PRELID1: variants seen among roughly 807,000 people sequenced by gnomAD.
The protein encoded by PRELID1 is PRELI domain containing 1.
PRELID1 carries 15 observed loss-of-function variants against 29.0 expected under a neutral mutation model. The ratio of observed to expected loss-of-function variants is 0.52; its 90% CI spans 0.35 to 0.80. The LOEUF (loss-of-function observed/expected upper bound fraction) is 0.80. PRELID1 is among the 30% of genes least tolerant of loss of function. The pLI is 0.01. For missense variants in PRELID1, 187 were observed against 275.9 expected (o/e 0.68, Z 2.28); for synonymous variants, 79 against 106.5 (o/e 0.74, Z 1.59).
At chr5:177,305,638 C>A in intron 2 of PRELID1, 1 of 545,002 alleles carries the variant, frequency 1.8e-6, no homozygotes, top group Non-Finnish European at 3.3e-6. Context: ...TTGTTGATCT[C>A]AAGAGAGAGA....
In PRELID1 at chr5:177,305,865, G is replaced by A. The variant is rs1374778275; in HGVS notation, c.319-6G>A. 1.2e-6 allele frequency: 2 copies of A among 1,612,668 alleles called. No homozygotes were observed. Among genetic ancestry groups the A allele is most frequent in the Non-Finnish European group, 1.7e-6 (2 of 1,179,280 alleles). On this transcript the variant is annotated splice_region_variant and splice_polypyrimidine_tract_variant and intron_variant, in intron 2 of 4. Transcript: ENST00000303204. The stretch of plus-strand genomic sequence containing the variant: ...TGTTCCACGATTGTGGTTGGCCTCT[G>A]CATAGGTGGTGGAGGAACGATGTGT...
chr5:177,306,302 GA>G, intron 4 of PRELID1, 119 bp from the exon 5 acceptor site: 1 of 1,567,838 alleles, frequency 6.4e-7, no homozygotes, highest in Non-Finnish European at 8.8e-7. Flanking sequence ...GGGGTGGGAG[GA>G]GGGTGAATAC....
At chr5:177,305,815 T>C in intron 2 of PRELID1, 56 bp from the exon 3 acceptor site, 2 of 1,448,764 alleles carry the variant, frequency 1.4e-6, no homozygotes, top group Non-Finnish European at 1.9e-6. Flanking sequence ...GTCAGATTTA[T>C]GTGCAAGTTG....
chr5:177,305,819 C>A, intron 2 of PRELID1, 52 bp from the exon 3 acceptor site: 2 of 1,493,948 alleles, frequency 1.3e-6, no homozygotes, highest in Non-Finnish European at 1.9e-6. Context: ...GATTTATGTG[C>A]AAGTTGGCAA....
chr5:177,304,883 C>T (rs773366540), intron 2 of PRELID1, 33 bp downstream of exon 2: 1 of 1,514,472 alleles, frequency 6.6e-7, no homozygotes, highest in Non-Finnish European at 9.0e-7. Flanking sequence ...TCTGCACCTC[C>T]CCCTCTCCCC....
chr5:177,304,866 T>C lies in PRELID1; in HGVS notation c.318+16T>C, dbSNP rs776906443. 3.8e-6 allele frequency: 6 copies of C among 1,584,514 alleles called. No homozygotes were observed. In the South Asian group the frequency reaches 5.6e-5, roughly 15 times the overall value. On this transcript the variant is annotated intron_variant, in intron 2 of 4. Transcript: ENST00000303204. The stretch of plus-strand genomic sequence containing the variant: ...CCGGCTGATGGTGAGACACCTCCTG[T>C]TGTGATTCTGCACCTCCCCCTCTCC...
chr5:177,304,198 G>A, intron 1 of PRELID1, 121 bp downstream of exon 1: 1 of 1,023,850 alleles, frequency 9.8e-7, no homozygotes. Flanking sequence ...AGACCTTATC[G>A]GGGAAGCGGC....
Position 177,306,213 on chromosome 5 carries a change from G to A in PRELID1, c.511+37G>A, listed in dbSNP as rs758591969. The A allele has an allele frequency of 3.1e-6, 5 of 1,596,304 alleles. No individual in the cohort carries two copies. In the African/African-American group the frequency reaches 5.4e-5, roughly 17 times the overall value. On this transcript the variant is annotated intron_variant, in intron 4 of 4. Transcript: ENST00000303204. Reference sequence around the variant, plus strand: ...GGTATGTGGATATTCCTCATAGGGAGAGGCTCATTCAGCCTAGCGGGCGTG... The same window carrying A: ...GGTATGTGGATATTCCTCATAGGGAAAGGCTCATTCAGCCTAGCGGGCGTG...
In PRELID1 at chr5:177,303,928, C is replaced by T. The variant is rs1259464207; in HGVS notation, c.-58C>T. 1 of 1,509,430 alleles carries T rather than the reference C, an allele frequency of 6.6e-7. No individual in the cohort carries two copies. Among genetic ancestry groups the T allele is most frequent in the African/African-American group, 1.4e-5 (1 of 72,538 alleles). The allele number at this position is 1,509,430 out of a possible 1,614,324, so 93.5% of individuals were successfully genotyped here. A position where few individuals can be genotyped will look rare whatever the true frequency, so the allele number is the denominator to read the frequency against. Reference sequence around the variant, plus strand: ...CCGGCCCGGCCCGGCCCTCGCGTGCCTCCCAGGCTCCGCACCCCTGATGCT... The same window carrying T: ...CCGGCCCGGCCCGGCCCTCGCGTGCTTCCCAGGCTCCGCACCCCTGATGCT... On this transcript the variant is annotated 5_prime_UTR_variant, in exon 1 of 5. Transcript: ENST00000303204. This position sits in a 1 kb window ranked among gnomAD's most constrained non-coding sequence, Gnocchi z 6.1.
intron 2 of PRELID1, 148 bp from the exon 3 acceptor site, chr5:177,305,723 C>A (rs1760851672): frequency 3.0e-6 from 2 of 665,732 alleles, no homozygotes; most frequent in Non-Finnish European, 5.2e-6. Context: ...GCTTCTTGTT[C>A]TGTCAGTGCC....
intron 1 of PRELID1, 112 bp downstream of exon 1, chr5:177,304,189 G>A: frequency 1.9e-6 from 2 of 1,080,228 alleles, no homozygotes; most frequent in Non-Finnish European, 2.7e-6. Flanking sequence ...ATCCTAGGTA[G>A]ACCTTATCGG....
chr5:177,306,299 G>A, intron 4 of PRELID1, 123 bp downstream of exon 4: 2 of 1,566,180 alleles, frequency 1.3e-6, no homozygotes, highest in Non-Finnish European at 8.8e-7. Context: ...CTGGGGGTGG[G>A]AGGAGGGTGA....
chr5:177,304,432 T>C (rs1378668259), intron 1 of PRELID1, 193 bp from the exon 2 acceptor site: 3 of 686,756 alleles, frequency 4.4e-6, no homozygotes, highest in African/African-American at 1.8e-5. Flanking sequence ...GGAATCCAGG[T>C]CAGTCAGATG....
chr5:177,306,283 T>A, intron 4 of PRELID1, 107 bp downstream of exon 4: 5 of 1,562,104 alleles, frequency 3.2e-6, no homozygotes, highest in Non-Finnish European at 4.4e-6. Context: ...GGACTCCTTG[T>A]CTGTACTGGG....
rs1760782291 is a variant in PRELID1 at position 177,303,850 on chromosome 5, C to A, written c.-136C>A. On this transcript the variant is annotated 5_prime_UTR_variant, in exon 1 of 5. Transcript: ENST00000303204. The surrounding 1 kb of genome is among the most constrained non-coding windows in gnomAD (Gnocchi z 6.1). Reference sequence around the variant, plus strand: ...GCGGCGGCGGCGGCAGCTGCTTGGGCGCGGTGCGGTGGTGACTGAGCTACG... The same window carrying A: ...GCGGCGGCGGCGGCAGCTGCTTGGGAGCGGTGCGGTGGTGACTGAGCTACG... 1.7e-6 allele frequency: 1 copy of A among 574,636 alleles called. No individual in the cohort carries two copies. Among genetic ancestry groups the A allele is most frequent in the Middle Eastern group, 4.9e-4 (1 of 2,040 alleles). The allele number at this position is 574,636 out of a possible 1,614,324, so 35.6% of individuals were successfully genotyped here.
intron 2 of PRELID1, 140 bp downstream of exon 2, chr5:177,304,990 A>G (rs1238572260): frequency 1.3e-5 from 10 of 766,086 alleles, no homozygotes; most frequent in Non-Finnish European, 1.9e-5. Flanking sequence ...GAGGGTTGAC[A>G]GCTGTAGAGT....
At position 177,306,415 on chromosome 5, in the gene PRELID1, G is replaced by GC. The variant is rs753521647; in HGVS notation, c.512-6dup. 3 of 1,613,860 alleles carry GC rather than the reference G, an allele frequency of 1.9e-6. No homozygotes were observed. Among genetic ancestry groups the GC allele is most frequent in the Non-Finnish European group, 2.5e-6 (3 of 1,179,950 alleles). ...TTCTAAAGGCAGCCACCTGCCGTTC[G>GC]CGACAGGCGAGGCCCCTTCCAAAAC... On this transcript the variant is annotated splice_region_variant and splice_polypyrimidine_tract_variant and intron_variant, in intron 4 of 4. Coordinates refer to ENST00000303204, the MANE Select transcript of PRELID1 (RefSeq NM_013237.4).
intron 1 of PRELID1, 26 bp from the exon 2 acceptor site, chr5:177,304,599 G>A: frequency 1.9e-6 from 3 of 1,584,434 alleles, no homozygotes; most frequent in Non-Finnish European, 2.6e-6. Context: ...AGCTTCTGAG[G>A]GTCACCTTCA....
chr5:177,303,878 C>G lies in PRELID1; in HGVS notation c.-108C>G. On this transcript the variant is annotated 5_prime_UTR_variant, in exon 1 of 5. Coordinates refer to ENST00000303204, the MANE Select transcript of PRELID1 (RefSeq NM_013237.4). The surrounding 1 kb of genome is among the most constrained non-coding windows in gnomAD (Gnocchi z 6.1). The stretch of plus-strand genomic sequence containing the variant: ...GGTGCGGTGGTGACTGAGCTACGAG[C>G]CTGGCGGCGGGTGTGCGCCGAGCCC... 3.3e-6 allele frequency: 3 copies of G among 911,180 alleles called. No individual in the cohort carries two copies. The highest frequency in any genetic ancestry group is 4.9e-6 in the Non-Finnish European group (3 of 617,498). 56.4% of individuals were successfully genotyped at this position (911,180 alleles called of 1,614,324 possible). A position where few individuals can be genotyped will look rare whatever the true frequency, so the allele number is the denominator to read the frequency against.
Sources: allele counts gnomAD v4.1 joint callset, GRCh38; gene constraint gnomAD v4.1.1; non-coding constraint Gnocchi (gnomAD v3.1); transcripts MANE v1.5; gene names NCBI Gene and HGNC (gene_info 2026-07-23, HGNC 2026-07-21).